MED13: variants seen among roughly 807,000 people sequenced by gnomAD.
MED13 encodes mediator complex subunit 13.
Under a neutral mutation model 225.2 loss-of-function variants are expected in MED13, and 23 were observed. The observed-to-expected ratio is 0.10, with a 90% CI of 0.07 to 0.14. The LOEUF (loss-of-function observed/expected upper bound fraction) is 0.14. Ranked by LOEUF, MED13 falls within the 10% of genes least tolerant of loss-of-function variation. The probability of loss-of-function intolerance (pLI) is 1.00; values close to 1 mark genes in which losing one functional copy is unlikely to be tolerated. For missense variants in MED13, 2,197 were observed against 2,594.5 expected, an observed-to-expected ratio of 0.85 and a Z score of 3.33; for synonymous variants, 942 against 889.2, an observed-to-expected ratio of 1.06 and a Z score of -1.06.
chr17:61,946,245 T>C lies in MED13; in HGVS notation c.*223A>G. The stretch of plus-strand genomic sequence containing the variant: ...TAATTTTGCTACGAAAATGTTATAA[T>C]ACGTTTTGTATGATCAGTCATCATC... On this transcript the variant is annotated 3_prime_UTR_variant, in exon 30 of 30. Coordinates refer to ENST00000397786, the MANE Select transcript of MED13 (RefSeq NM_005121.3). 2.3e-6 allele frequency: 1 copy of C among 427,324 alleles called. No individual in the cohort carries two copies. The highest frequency in any genetic ancestry group is 4.0e-6 in the Non-Finnish European group (1 of 247,406). The allele number at this position is 427,324 out of a possible 1,614,324, so 26.5% of individuals were successfully genotyped here.
At chr17:62,002,318 G>A (rs763784284) in intron 9 of MED13, among the ~76,000 whole-genome samples, 3 of 151,912 alleles carry the variant, frequency 2.0e-5, no homozygotes, top group Non-Finnish European at 2.9e-5. Flanking sequence ...GGCGAAACCC[G>A]TCTCTACTGA....
At chr17:62,044,401 T>A (rs886159347) in intron 3 of MED13, among the ~76,000 whole-genome samples, 7 of 152,276 alleles carry the variant, frequency 4.6e-5, no homozygotes, top group Middle Eastern at 3.4e-3. Flanking sequence ...ACAACAGCCA[T>A]CCTTTCCTTC....
At chr17:62,059,898 A>T (rs1484699763) in intron 2 of MED13, among the ~76,000 whole-genome samples, 1 of 152,204 alleles carries the variant, frequency 6.6e-6, no homozygotes, top group Non-Finnish European at 1.5e-5. Context: ...ATGCAAACTA[A>T]AACAGTACAG....
At chr17:61,971,666 G>T (rs1208723058) in intron 17 of MED13, among the ~76,000 whole-genome samples, 2 of 152,172 alleles carry the variant, frequency 1.3e-5, no homozygotes, top group Non-Finnish European at 2.9e-5. Context: ...GGGCACAGTG[G>T]CTCATGCCTG....
chr17:62,037,942 T>G (rs2080819015), intron 3 of MED13, among the ~76,000 whole-genome samples: 4 of 101,900 alleles, frequency 3.9e-5, no homozygotes, highest in Admixed American at 1.7e-4. Flanking sequence ...GGCAACAGAG[T>G]GAGACTTCAT....
intron 23 of MED13, 62 bp from the exon 24 acceptor site, chr17:61,956,543 T>C (rs1894234266): frequency 2.0e-6 from 3 of 1,522,040 alleles, no homozygotes; most frequent in East Asian, 2.3e-5. Flanking sequence ...TTTGCTGTTG[T>C]TGTTTTTTTG....
intron 11 of MED13, among the ~76,000 whole-genome samples, chr17:61,987,403 C>T (rs930152174): frequency 1.3e-5 from 2 of 152,000 alleles, no homozygotes; most frequent in Non-Finnish European, 2.9e-5. Context: ...CATTGCACTC[C>T]AGCCTGGGAG....
chr17:61,969,591 CTT>C (rs1448067787), intron 17 of MED13, among the ~76,000 whole-genome samples: 2 of 151,808 alleles, frequency 1.3e-5, no homozygotes, highest in African/African-American at 4.8e-5. Flanking sequence ...GTTAAGTGTT[CTT>C]TCTTTTAGTT....
At chr17:61,973,201 C>A (rs1015614214) in intron 16 of MED13, among the ~76,000 whole-genome samples, 3 of 151,926 alleles carry the variant, frequency 2.0e-5, no homozygotes, top group African/African-American at 4.8e-5. Context: ...TTTATGTTGG[C>A]TGTTTTGGTG....
chr17:62,042,560 C>CA (rs377646442), intron 3 of MED13, among the ~76,000 whole-genome samples: 15,938 of 59,298 alleles, frequency 0.27, 1,737 homozygotes, highest in East Asian at 0.56. Flanking sequence ...GGTTTCATCT[C>CA]AAAAAAAAAA....
intron 3 of MED13, among the ~76,000 whole-genome samples, chr17:62,048,019 T>TATATAC (rs983326428): frequency 0.11 from 14,839 of 134,248 alleles, 1,442 homozygotes; most frequent in African/African-American, 0.25. Flanking sequence ...TATATATACA[T>TATATAC]ATATACATAT....
chr17:61,966,339 G>T, intron 19 of MED13, 123 bp downstream of exon 19: 1 of 785,796 alleles, frequency 1.3e-6, no homozygotes, highest in Non-Finnish European at 2.0e-6. Context: ...CACAAAAGCA[G>T]CCAGAGAAAA....
chr17:61,947,133 G>T, intron 28 of MED13, 116 bp from the exon 29 acceptor site: 14 of 570,916 alleles, frequency 2.5e-5, no homozygotes, highest in Admixed American at 3.2e-5. Context: ...TTAGTCCTAT[G>T]TTATGAATGA....
chr17:62,065,144 C>A lies in MED13; in HGVS notation c.62G>T (p.Cys21Phe), dbSNP rs1036313731. 1.9e-6 allele frequency: 3 copies of A among 1,573,104 alleles called. No individual in the cohort carries two copies. Among genetic ancestry groups the A allele is most frequent in the East Asian group, 2.4e-5 (1 of 40,942 alleles). ...SLEDCHCNLFCLADLTGIKWK... is the reference protein window; with the variant it reads ...SLEDCHCNLFFLADLTGIKWK... ...CCCGCCGGCCCCGGCACTCACCAGG[C>A]AGAAGAGGTTACAGTGACAATCTTC... Residue 21 changes from cysteine (C) to phenylalanine (F), a missense_variant, in exon 1 of 30, where the codon TGC becomes TTC. Cys to Phe is a radical substitution (Grantham distance 205). Transcript: ENST00000397786.
intron 26 of MED13, among the ~76,000 whole-genome samples, chr17:61,954,924 T>G (rs984404193): frequency 6.6e-6 from 1 of 152,196 alleles, no homozygotes; most frequent in African/African-American, 2.4e-5. Flanking sequence ...CAACACATAT[T>G]TATTTTCTTA....
At chr17:62,004,403 T>C (rs567439690) in intron 9 of MED13, 2 of 152,298 alleles carry the variant, frequency 1.3e-5, no homozygotes, top group South Asian at 2.1e-4. Context: ...AGAAAGACCA[T>C]AGTTTAGATA....
chr17:61,996,566 C>T (rs2080348609), intron 9 of MED13, among the ~76,000 whole-genome samples: 1 of 152,166 alleles, frequency 6.6e-6, no homozygotes, highest in Non-Finnish European at 1.5e-5. Flanking sequence ...CAGACCCATT[C>T]CTGGCTATTT....
At chr17:62,003,623 C>CAAAAAAAAAAAAAAAAAAA (rs1335956503) in intron 9 of MED13, 2 of 86,074 alleles carry the variant, frequency 2.3e-5, no homozygotes, top group African/African-American at 1.0e-4. Flanking sequence ...AAAAAAAAAG[C>CAAAAAAAAAAAAAAAAAAA]AAAAAGTGAA....
intron 23 of MED13, 127 bp from the exon 24 acceptor site, chr17:61,956,608 G>A (rs1048109811): frequency 2.0e-5 from 17 of 843,514 alleles, no homozygotes; most frequent in African/African-American, 3.5e-5. Context: ...GTGCGATCTC[G>A]GCTCACTGCA....
Sources: gnomAD v4.1 joint callset for allele counts (sites outside exome capture counted in the v4.1 genomes callset) on GRCh38, gnomAD v4.1.1 for gene constraint, MANE v1.5 for transcripts, NCBI Gene and HGNC (gene_info 2026-07-23, HGNC 2026-07-21) for gene names.